Variants in TNK2 observed in about 807,000 individuals in gnomAD.
TNK2 encodes tyrosine kinase non receptor 2, also known as activated CDC42 kinase 1.
In TNK2, 83 loss-of-function variants were observed where a neutral mutation model predicts 101.8. That is an observed-to-expected ratio of 0.82 (90% CI 0.68 to 0.98). The LOEUF (loss-of-function observed/expected upper bound fraction) is 0.98. TNK2 is among the 50% of genes least tolerant of loss of function. TNK2 has a pLI of 0.00. For synonymous variants in TNK2, 804 were observed against 633.0 expected, an observed-to-expected ratio of 1.27 and a Z score of -4.06; for missense variants, 1,665 against 1,483.2, an observed-to-expected ratio of 1.12 and a Z score of -2.01.
intron 9 of TNK2, among the ~76,000 whole-genome samples, chr3:195,873,441 G>A (rs1024138041): frequency 7.4e-6 from 1 of 135,416 alleles, no homozygotes; most frequent in Non-Finnish European, 1.6e-5. Flanking sequence ...TGAGAGCCCC[G>A]TGGGCAGTGT....
intron 1 of TNK2, among the ~76,000 whole-genome samples, chr3:195,901,457 G>C (rs1051051863): frequency 3.9e-5 from 6 of 152,138 alleles, no homozygotes; most frequent in African/African-American, 9.7e-5. Context: ...AGTATACAGG[G>C]GACAGAGGGA....
chr3:195,866,734 T>C (rs1224218556), intron 15 of TNK2, among the ~76,000 whole-genome samples, 155 bp downstream of exon 15: 1 of 152,246 alleles, frequency 6.6e-6, no homozygotes, highest in Admixed American at 6.5e-5. Flanking sequence ...AAAAACGATT[T>C]GCTGGGCCCT....
At position 195,868,095 on chromosome 3, in the gene TNK2, C is replaced by G. The variant is rs750183216; in HGVS notation, c.2203G>C (p.Ala735Pro). Residue 735 changes from alanine to proline, a missense_variant, in exon 13 of 16, where the codon GCT (alanine) becomes CCT (proline). By Grantham distance (27) the Ala-to-Pro change is conservative. This residue lies in a region of TNK2 where 1,136 missense variants were observed against 894.9 expected (regional missense o/e 1.27). Coordinates refer to ENST00000672887, the MANE Select transcript of TNK2 (RefSeq NM_001382273.1). ...LQQECMRQLQ[A>P]PAGSPAPSPS... Reference sequence around the variant, plus strand: ...GAGGGGGCCGGGGAGCCGGCCGGAGCCTGCAGTTGCCTCATGCACTCCTGC... The same window carrying G: ...GAGGGGGCCGGGGAGCCGGCCGGAGGCTGCAGTTGCCTCATGCACTCCTGC... 1.9e-6 allele frequency: 3 copies of G among 1,610,662 alleles called. No individual in the cohort carries two copies. The South Asian group carries it at 3.3e-5, about 18-fold the overall frequency.
intron 1 of TNK2, among the ~76,000 whole-genome samples, chr3:195,907,719 A>T (rs1030727804): frequency 1.3e-5 from 2 of 152,202 alleles, no homozygotes. Flanking sequence ...CTGGGCTGGG[A>T]GCTCCTGTCC....
Position 195,870,989 on chromosome 3 carries a change from G to T in TNK2, c.1452-784C>A, listed in dbSNP as rs371600784. ...TCGCTGTGTGGGGTTCTGGTGTGTG[G>T]GGGCCCGCTGTGTGGGTTCTGGTGT... On this transcript the variant is annotated intron_variant, in intron 10 of 15. Transcript: ENST00000672887. Among the ~76,000 whole-genome samples, 52 of 92,818 alleles carry T rather than the reference G, an allele frequency of 5.6e-4. No individual in the cohort carries two copies. In the East Asian group the frequency reaches 0.02, roughly 36 times the overall value. 60.9% of individuals were successfully genotyped at this position (92,818 alleles called of 152,430 possible).
rs148016583 is a variant in TNK2 at position 195,885,735 on chromosome 3, G to A, written c.235-702C>T. 0.013 allele frequency: 6,311 copies of A among 491,690 alleles called. 66 individuals are homozygous for A. Among genetic ancestry groups the A allele is most frequent in the Non-Finnish European group, 0.018 (5,337 of 290,152 alleles). 30.5% of individuals were successfully genotyped at this position (491,690 alleles called of 1,614,324 possible). On this transcript the variant is annotated intron_variant, in intron 3 of 15. Transcript: ENST00000672887. This position sits in a 1 kb window ranked among gnomAD's most constrained non-coding sequence, Gnocchi z 4.7. ...AGGCCAGGGTGGACAGGGAGGAGCCGAAGGTCAAGGGACAGAAGAAAGGAG... is the reference window on the plus strand; with the variant it reads ...AGGCCAGGGTGGACAGGGAGGAGCCAAAGGTCAAGGGACAGAAGAAAGGAG...
intron 1 of TNK2, among the ~76,000 whole-genome samples, chr3:195,901,742 C>A (rs1042573061): frequency 6.6e-6 from 1 of 152,232 alleles, no homozygotes; most frequent in Non-Finnish European, 1.5e-5. Flanking sequence ...CCCAGATTAT[C>A]CCCACTTTAC....
intron 1 of TNK2, among the ~76,000 whole-genome samples, chr3:195,907,088 T>C (rs1207530851): frequency 6.6e-6 from 1 of 152,170 alleles, no homozygotes; most frequent in Non-Finnish European, 1.5e-5. Flanking sequence ...TTTCTCCCAT[T>C]CATCTACCAC....
Position 195,888,520 on chromosome 3 carries a change from GA to G in TNK2, c.68del (p.Phe23SerfsTer41). ...CGTTGAGGTCATCTCGGAGCCGCAGGAAGTACTGTTGCAGCTGCACCTCGGA... is the reference window on the plus strand; with the variant it reads ...CGTTGAGGTCATCTCGGAGCCGCAGGAGTACTGTTGCAGCTGCACCTCGGA... Reference protein sequence around the residue: ...LLSEVQLQQYFLRLRDDLNVT... With the variant: ...LLSEVQLQQYXLRLRDDLNVT... On this transcript the variant is annotated frameshift_variant, in exon 2 of 16. Coordinates refer to ENST00000672887, the MANE Select transcript of TNK2 (RefSeq NM_001382273.1). LOFTEE classifies it high-confidence loss of function. The surrounding 1 kb of genome is among the most constrained non-coding windows in gnomAD (Gnocchi z 5.3). 1 of 1,613,676 alleles carries G rather than the reference GA, an allele frequency of 6.2e-7. No individual in the cohort carries two copies.
Position 195,888,610 on chromosome 3 carries a change from TGG to T in TNK2, c.-18-6_-18-5del. Reference sequence around the variant, plus strand: ...GCATTCTGCCGCCTCCCAGCCTCTGTGGGGGGAGGAGTGGCTCAGGGACAAGG... The same window carrying T: ...GCATTCTGCCGCCTCCCAGCCTCTGTGGGGAGGAGTGGCTCAGGGACAAGG... On this transcript the variant is annotated splice_region_variant and splice_polypyrimidine_tract_variant and intron_variant, in intron 1 of 15. Transcript: ENST00000672887. The surrounding 1 kb of genome is among the most constrained non-coding windows in gnomAD (Gnocchi z 5.3). 6.2e-7 allele frequency: 1 copy of T among 1,605,160 alleles called. No individual in the cohort carries two copies.
Position 195,881,953 on chromosome 3 carries a change from C to G in TNK2, c.887+98G>C, listed in dbSNP as rs1753333591. The G allele has an allele frequency of 5.5e-6, 8 of 1,446,326 alleles. No individual in the cohort carries two copies. The South Asian group carries it at 1.1e-4, about 19-fold the overall frequency. 89.6% of individuals were successfully genotyped at this position (1,446,326 alleles called of 1,614,324 possible). On this transcript the variant is annotated intron_variant, in intron 6 of 15. Transcript: ENST00000672887. Reference sequence around the variant, plus strand: ...GGCTTAGAACAGACAAGGGCAGGCCCAAGCAAAACCAGGGGCTGTGGTGGG... The same window carrying G: ...GGCTTAGAACAGACAAGGGCAGGCCGAAGCAAAACCAGGGGCTGTGGTGGG...
In TNK2 at chr3:195,886,917, A is replaced by C; in HGVS notation, c.234+60T>G. 6.3e-7 allele frequency: 1 copy of C among 1,582,832 alleles called. No individual in the cohort carries two copies. The highest frequency in any genetic ancestry group is 8.7e-7 in the Non-Finnish European group (1 of 1,151,474). ...GCTGGGGAAGGTTCCCAGGACCAGA[A>C]GCGGAGGGGGGCGTTCGAGGCTGCC... On this transcript the variant is annotated intron_variant, in intron 3 of 15. Coordinates refer to ENST00000672887, the MANE Select transcript of TNK2 (RefSeq NM_001382273.1). The surrounding 1 kb of genome is among the most constrained non-coding windows in gnomAD (Gnocchi z 4.2).
At position 195,879,043 on chromosome 3, in the gene TNK2, C is replaced by G. The variant is rs1259139367; in HGVS notation, c.1014+6G>C. ...GCCCTATGGGGGCCCGTCTCCCAGC[C>G]CTCACCTGACTGCCGTTGAGGCCGA... On this transcript the variant is annotated splice_donor_region_variant and intron_variant, in intron 7 of 15. Coordinates refer to ENST00000672887, the MANE Select transcript of TNK2 (RefSeq NM_001382273.1). 1 of 1,613,176 alleles carries G rather than the reference C, an allele frequency of 6.2e-7. No homozygotes were observed. The highest frequency in any genetic ancestry group is 1.1e-5 in the South Asian group (1 of 91,086).
chr3:195,863,996 G>T lies in TNK2; in HGVS notation c.*185C>A. ...CTGAACCAAAGTGTGCAGGGACAGCGCTGGTGCAGGAGGGATGGGCAGGGC... is the reference window on the plus strand; with the variant it reads ...CTGAACCAAAGTGTGCAGGGACAGCTCTGGTGCAGGAGGGATGGGCAGGGC... On this transcript the variant is annotated 3_prime_UTR_variant, in exon 16 of 16. Transcript: ENST00000672887. The T allele has an allele frequency of 1.4e-6, 1 of 699,590 alleles. No individual in the cohort carries two copies. The highest frequency in any genetic ancestry group is 2.4e-6 in the Non-Finnish European group (1 of 411,940). 43.3% of individuals were successfully genotyped at this position (699,590 alleles called of 1,614,324 possible).
At chr3:195,883,101 C>T (rs2149554108) in intron 5 of TNK2, 56 bp downstream of exon 5, 1 of 1,588,114 alleles carries the variant, frequency 6.3e-7, no homozygotes, top group East Asian at 2.2e-5. Flanking sequence ...AACCGAACCA[C>T]ACATATGGGA....
intron 4 of TNK2, 25 bp from the exon 5 acceptor site, chr3:195,883,334 A>C: frequency 1.2e-6 from 2 of 1,610,674 alleles, no homozygotes; most frequent in Non-Finnish European, 1.7e-6. Context: ...ATTTGCAAGG[A>C]CTCAGGACTT....
At chr3:195,892,241 A>G (rs1388535532) in intron 1 of TNK2, among the ~76,000 whole-genome samples, 1 of 152,202 alleles carries the variant, frequency 6.6e-6, no homozygotes, top group Non-Finnish European at 1.5e-5. Context: ...CAGGCCAAGA[A>G]GAAGGAATGC....
At chr3:195,893,291 C>A (rs979827754) in intron 1 of TNK2, among the ~76,000 whole-genome samples, 14 of 151,930 alleles carry the variant, frequency 9.2e-5, no homozygotes, top group Admixed American at 9.2e-4. Context: ...GGCAGCCTGC[C>A]AGAGTGGGGC....
At chr3:195,899,790 G>A (rs1302685291) in intron 1 of TNK2, among the ~76,000 whole-genome samples, 3 of 152,166 alleles carry the variant, frequency 2.0e-5, no homozygotes, top group Non-Finnish European at 2.9e-5. Flanking sequence ...CACATCTGTC[G>A]CCCTGAAGGG....
Sources: allele counts gnomAD v4.1 joint callset (sites outside exome capture counted in the v4.1 genomes callset), GRCh38; gene constraint gnomAD v4.1.1; regional missense constraint gnomAD v4.1.1; non-coding constraint Gnocchi (gnomAD v3.1); transcripts MANE v1.5; gene names NCBI Gene and HGNC (gene_info 2026-07-23, HGNC 2026-07-21).